The following SPAG16 variants were observed in gnomAD, a reference collection of about 807,000 sequenced individuals.
SPAG16 encodes sperm associated antigen 16, also known as sperm-associated antigen 16 protein.
In SPAG16, 86 loss-of-function variants were observed where a neutral mutation model predicts 80.4. The observed-to-expected ratio is 1.07, with a 90% CI of 0.90 to 1.28. The LOEUF is 1.28. Ranked by LOEUF, SPAG16 falls within the 50% of genes most tolerant of loss-of-function variation. The probability of loss-of-function intolerance (pLI) is 0.00; values close to 1 mark genes in which losing one functional copy is unlikely to be tolerated. For missense variants in SPAG16, 870 were observed against 765.3 expected, an observed-to-expected ratio of 1.14 and a Z score of -1.61; for synonymous variants, 294 against 265.9, an observed-to-expected ratio of 1.11 and a Z score of -1.03.
At chr2:213,750,123 T>G (rs999698426) in intron 10 of SPAG16, among the ~76,000 whole-genome samples, 1 of 152,214 alleles carries the variant, frequency 6.6e-6, no homozygotes, top group Admixed American at 6.5e-5. Context: ...TAAGAATTAA[T>G]TTTTACTTTG....
chr2:213,760,964 G>A (rs1559446273), intron 10 of SPAG16, among the ~76,000 whole-genome samples: 1 of 152,060 alleles, frequency 6.6e-6, no homozygotes, highest in Admixed American at 6.5e-5. Flanking sequence ...AGTCCTTATG[G>A]CAGGATTTAT....
chr2:213,705,766 G>C (rs2065721449), intron 10 of SPAG16, among the ~76,000 whole-genome samples: 1 of 143,376 alleles, frequency 7.0e-6, no homozygotes, highest in Non-Finnish European at 1.5e-5. Flanking sequence ...AAAAAGAGGA[G>C]AGCCAATCAT....
At chr2:213,709,289 G>T (rs957485142) in intron 10 of SPAG16, among the ~76,000 whole-genome samples, 2 of 152,118 alleles carry the variant, frequency 1.3e-5, no homozygotes, top group African/African-American at 4.8e-5. Context: ...CAGGTGCAAT[G>T]GAAAAGGAAG....
chr2:213,865,669 TTATATA>T (rs1320172367), intron 11 of SPAG16, among the ~76,000 whole-genome samples: 1 of 148,118 alleles, frequency 6.8e-6, no homozygotes, highest in East Asian at 1.9e-4. Context: ...ACTTCTGAAC[TTATATA>T]TATATAAAAT....
chr2:213,747,465 T>C (rs1266298367), intron 10 of SPAG16, among the ~76,000 whole-genome samples: 1 of 152,222 alleles, frequency 6.6e-6, no homozygotes, highest in Non-Finnish European at 1.5e-5. Flanking sequence ...CTCACTCACT[T>C]TCTTACCTAG....
At chr2:213,551,380 A>G (rs549221350) in intron 10 of SPAG16, among the ~76,000 whole-genome samples, 1 of 152,372 alleles carries the variant, frequency 6.6e-6, no homozygotes, top group South Asian at 2.1e-4. Flanking sequence ...CTTCATTTCA[A>G]GAACTCTGCA....
At chr2:214,357,066 T>C (rs944819412) in intron 15 of SPAG16, among the ~76,000 whole-genome samples, 2 of 151,910 alleles carry the variant, frequency 1.3e-5, no homozygotes, top group African/African-American at 4.8e-5. Flanking sequence ...TCTCCTTCTG[T>C]CTTCTGGCTC....
chr2:213,681,842 C>G (rs2064404033), intron 10 of SPAG16, among the ~76,000 whole-genome samples: 1 of 152,076 alleles, frequency 6.6e-6, no homozygotes, highest in Non-Finnish European at 1.5e-5. Context: ...CTTGGCTTTT[C>G]CCTCTTTCTT....
At chr2:213,368,525 C>T (rs1238761721) in intron 8 of SPAG16, among the ~76,000 whole-genome samples, 2 of 152,192 alleles carry the variant, frequency 1.3e-5, no homozygotes, top group Non-Finnish European at 2.9e-5. Flanking sequence ...TGCCCTCTCT[C>T]ACCACTCCTA....
intron 15 of SPAG16, among the ~76,000 whole-genome samples, chr2:214,399,616 G>T (rs1701596170): frequency 6.6e-6 from 1 of 152,016 alleles, no homozygotes; most frequent in African/African-American, 2.4e-5. Flanking sequence ...GTCTTAAAAT[G>T]TAGTTATGGT....
At chr2:213,805,356 A>G (rs893059317) in intron 10 of SPAG16, among the ~76,000 whole-genome samples, 36 of 152,200 alleles carry the variant, frequency 2.4e-4, no homozygotes, top group South Asian at 2.1e-4. Context: ...CTGATGTGGC[A>G]TGTGAGGAAT....
intron 11 of SPAG16, among the ~76,000 whole-genome samples, chr2:213,863,394 T>C (rs1251964833): frequency 6.6e-6 from 1 of 152,028 alleles, no homozygotes; most frequent in Admixed American, 6.5e-5. Flanking sequence ...ATGTTTTCAC[T>C]AAACTCCTTT....
intron 9 of SPAG16, among the ~76,000 whole-genome samples, chr2:213,479,755 C>A (rs1220190256): frequency 2.6e-5 from 4 of 152,134 alleles, no homozygotes; most frequent in Non-Finnish European, 5.9e-5. Flanking sequence ...TCTGCATTGG[C>A]ATTTATCTTC....
chr2:213,504,147 G>T (rs1166590512), intron 10 of SPAG16, among the ~76,000 whole-genome samples: 1 of 152,190 alleles, frequency 6.6e-6, no homozygotes, highest in Non-Finnish European at 1.5e-5. Flanking sequence ...TAAGCGGAAG[G>T]ACTATGCAGG....
intron 12 of SPAG16, among the ~76,000 whole-genome samples, chr2:214,012,497 T>C (rs182428780): frequency 1.6e-3 from 239 of 151,508 alleles, no homozygotes; most frequent in African/African-American, 5.6e-3. Context: ...GGTTTCACCA[T>C]GTTGGTCAGG....
At chr2:213,443,242 T>G in intron 9 of SPAG16, among the ~76,000 whole-genome samples, 1 of 152,236 alleles carries the variant, frequency 6.6e-6, no homozygotes, top group East Asian at 1.9e-4. Flanking sequence ...CCTTATGATT[T>G]ACATTAGATC....
At chr2:214,090,411 C>T (rs1056866766) in intron 13 of SPAG16, among the ~76,000 whole-genome samples, 1 of 151,864 alleles carries the variant, frequency 6.6e-6, no homozygotes, top group African/African-American at 2.4e-5. Flanking sequence ...TAGACTGTGA[C>T]GATCAGATGT....
chr2:213,832,203 G>T (rs1020852917), intron 10 of SPAG16, among the ~76,000 whole-genome samples: 2 of 151,734 alleles, frequency 1.3e-5, no homozygotes, highest in African/African-American at 4.8e-5. Flanking sequence ...TCATCATCTT[G>T]GCCAGGCTGA....
chr2:213,780,502 T>C (rs1195636374), intron 10 of SPAG16, among the ~76,000 whole-genome samples: 1 of 152,078 alleles, frequency 6.6e-6, no homozygotes, highest in Non-Finnish European at 1.5e-5. Context: ...AATCTGGTGT[T>C]AGTTTCAAGT....
Sources: gnomAD v4.1 joint callset for allele counts (sites outside exome capture counted in the v4.1 genomes callset) on GRCh38, gnomAD v4.1.1 for gene constraint, MANE v1.5 for transcripts, NCBI Gene and HGNC (gene_info 2026-07-23, HGNC 2026-07-21) for gene names.